VRK3: variants seen among roughly 807,000 people sequenced by gnomAD.
VRK3 encodes the protein VRK serine/threonine kinase 3.
In VRK3, 50 loss-of-function variants were observed where a neutral mutation model predicts 60.4. That is an observed-to-expected ratio of 0.83 (90% CI 0.66 to 1.05). VRK3 has a LOEUF of 1.05. Among genes scored for constraint, VRK3 ranks in the 50% least tolerant of loss-of-function variants. The pLI is 0.00. For missense variants in VRK3, 549 were observed against 585.3 expected (o/e 0.94, Z 0.64); for synonymous variants, 246 against 227.8 (o/e 1.08, Z -0.72).
intron 13 of VRK3, 40 bp downstream of exon 13, chr19:49,980,915 G>A: frequency 6.3e-7 from 1 of 1,582,498 alleles, no homozygotes; most frequent in South Asian, 1.1e-5. Flanking sequence ...ACCAGGTCCT[G>A]CCCGAGTCCC....
At chr19:49,979,435 C>T (rs764181873) in intron 13 of VRK3, among the ~76,000 whole-genome samples, 193 bp from the exon 14 acceptor site, 2 of 152,182 alleles carry the variant, frequency 1.3e-5, no homozygotes, top group African/African-American at 4.8e-5. Context: ...AAATGTCATA[C>T]GCAGGCACCA....
intron 12 of VRK3, among the ~76,000 whole-genome samples, chr19:49,982,711 C>A (rs1467947147): frequency 6.6e-6 from 1 of 152,216 alleles, no homozygotes; most frequent in Non-Finnish European, 1.5e-5. Context: ...AGAATTCACA[C>A]ATATGGACTC....
chr19:49,978,764 C>A, intron 14 of VRK3: 1 of 222,316 alleles, frequency 4.5e-6, no homozygotes, highest in Non-Finnish European at 9.0e-6. Context: ...CAGAAGATGG[C>A]GAGAGACAAA....
chr19:50,006,960 G>A (rs1166548503), intron 5 of VRK3, among the ~76,000 whole-genome samples: 1 of 152,114 alleles, frequency 6.6e-6, no homozygotes, highest in Non-Finnish European at 1.5e-5. Context: ...GCATCCACGA[G>A]ACTCAAACCA....
chr19:49,996,160 T>C (rs1223978191), intron 7 of VRK3, among the ~76,000 whole-genome samples: 1 of 151,946 alleles, frequency 6.6e-6, no homozygotes, highest in African/African-American at 2.4e-5. Context: ...GACCTCATGA[T>C]CCGCCCGCCT....
At chr19:49,997,808 T>C (rs910393199) in intron 6 of VRK3, 30 of 437,462 alleles carry the variant, frequency 6.9e-5, no homozygotes, top group African/African-American at 6.1e-4. Context: ...CCCTAGAATG[T>C]AGCCTTCAGC....
chr19:49,997,668 G>A (rs1304597351), intron 6 of VRK3, 98 bp from the exon 7 acceptor site: 6 of 1,366,868 alleles, frequency 4.4e-6, no homozygotes, highest in East Asian at 4.9e-5. Context: ...CAATGACCAG[G>A]CTCCTCATCA....
At chr19:49,984,617 T>G (rs2076481486) in intron 12 of VRK3, among the ~76,000 whole-genome samples, 1 of 152,140 alleles carries the variant, frequency 6.6e-6, no homozygotes, top group Admixed American at 6.5e-5. Context: ...TGTTCTTCAT[T>G]CCACTACGAT....
chr19:50,014,957 G>A (rs535408286), intron 3 of VRK3, among the ~76,000 whole-genome samples: 6 of 152,156 alleles, frequency 3.9e-5, no homozygotes, highest in Admixed American at 3.9e-4. Context: ...GAGGTGCGGA[G>A]AAGGAAGTGG....
chr19:50,018,308 G>C (rs2077109818), intron 2 of VRK3, among the ~76,000 whole-genome samples: 1 of 152,194 alleles, frequency 6.6e-6, no homozygotes, highest in Admixed American at 6.5e-5. Context: ...CTATATTCCA[G>C]TCATTAATAT....
At chr19:49,983,674 T>C (rs2076462417) in intron 12 of VRK3, among the ~76,000 whole-genome samples, 1 of 152,266 alleles carries the variant, frequency 6.6e-6, no homozygotes, top group African/African-American at 2.4e-5. Flanking sequence ...CTCCTTCTTT[T>C]ACTCATTTTG....
At chr19:50,016,264 C>G (rs943817496) in intron 2 of VRK3, 101 bp from the exon 3 acceptor site, 15 of 1,490,430 alleles carry the variant, frequency 1.0e-5, no homozygotes, top group Admixed American at 1.9e-5. Context: ...TGGCAGGAGG[C>G]ACAACCAGGG....
intron 9 of VRK3, among the ~76,000 whole-genome samples, chr19:49,994,492 C>T (rs1354035230): frequency 6.6e-6 from 1 of 152,250 alleles, no homozygotes; most frequent in African/African-American, 2.4e-5. Flanking sequence ...TATCCTCTTC[C>T]TCTTCCACCC....
At chr19:50,000,685 G>T in intron 6 of VRK3, 105 bp downstream of exon 6, 1 of 1,363,668 alleles carries the variant, frequency 7.3e-7, no homozygotes, top group Non-Finnish European at 1.0e-6. Context: ...GGGGACCCTG[G>T]CCCCCGGCCG....
At chr19:50,022,632 A>C (rs2122710864) in intron 1 of VRK3, among the ~76,000 whole-genome samples, 1 of 149,296 alleles carries the variant, frequency 6.7e-6, no homozygotes, top group Middle Eastern at 3.4e-3. Flanking sequence ...CTAAAAAAGT[A>C]CAAAAAAAAA....
intron 1 of VRK3, among the ~76,000 whole-genome samples, chr19:50,022,964 C>G (rs2077194681): frequency 6.6e-6 from 1 of 152,090 alleles, no homozygotes. Flanking sequence ...CCTCTCCCAC[C>G]TCTCCCCTTG....
At chr19:50,009,808 T>A (rs1665611861) in intron 3 of VRK3, among the ~76,000 whole-genome samples, 1 of 152,134 alleles carries the variant, frequency 6.6e-6, no homozygotes, top group Admixed American at 6.5e-5. Flanking sequence ...ATGTTGCTAA[T>A]TTTTATAGTT....
At position 50,009,211 on chromosome 19, in the gene VRK3, A is replaced by G. The variant is rs771602946; in HGVS notation, c.289+25T>C. 7 of 1,608,434 alleles carry G rather than the reference A, an allele frequency of 4.4e-6. No individual in the cohort carries two copies. In the African/African-American group the frequency reaches 9.4e-5, roughly 22 times the overall value. On this transcript the variant is annotated intron_variant, in intron 4 of 14. Coordinates refer to ENST00000316763, the MANE Select transcript of VRK3 (RefSeq NM_016440.4). ...CCTAACTTTGCTCCACTTAAGAGTC[A>G]GGCCAGATAGACCTTAACTCTTACC...
intron 12 of VRK3, chr19:49,982,246 G>C (rs1451898530): frequency 1.4e-6 from 1 of 702,250 alleles, no homozygotes; most frequent in African/African-American, 1.7e-5. Context: ...GCTCATGCCT[G>C]AACAAAGCTG....
Sources: gnomAD v4.1 joint callset for allele counts (sites outside exome capture counted in the v4.1 genomes callset) on GRCh38, gnomAD v4.1.1 for gene constraint, MANE v1.5 for transcripts, NCBI Gene and HGNC (gene_info 2026-07-23, HGNC 2026-07-21) for gene names.